Variants in EXOC4 observed in about 807,000 individuals in gnomAD.
EXOC4 encodes the protein exocyst complex component 4, also known as SEC8-like 1.
In EXOC4, 71 loss-of-function variants were observed where a neutral mutation model predicts 107.2. The observed-to-expected ratio is 0.66, with a 90% confidence interval of 0.55 to 0.81. EXOC4 has a LOEUF of 0.81. EXOC4 is among the 30% of genes least tolerant of loss of function. The pLI, the probability that EXOC4 is intolerant of heterozygous loss-of-function variation, is 0.00. For synonymous variants in EXOC4, 456 were observed against 441.2 expected (o/e 1.03, Z -0.42); for missense variants, 1,108 against 1,189.6 (o/e 0.93, Z 1.01).
At chr7:133,840,209 G>C (rs564226016) in intron 11 of EXOC4, among the ~76,000 whole-genome samples, 3 of 152,214 alleles carry the variant, frequency 2.0e-5, no homozygotes, top group Admixed American at 1.3e-4. Flanking sequence ...TGATACAGCA[G>C]TGAGAGTGAA....
At chr7:133,429,502 T>G (rs111980365) in intron 7 of EXOC4, among the ~76,000 whole-genome samples, 1 of 152,190 alleles carries the variant, frequency 6.6e-6, no homozygotes, top group African/African-American at 2.4e-5. Context: ...TTTTAGTATA[T>G]TCACAGGGTT....
intron 12 of EXOC4, among the ~76,000 whole-genome samples, chr7:133,911,870 G>A (rs1799703681): frequency 6.6e-6 from 1 of 152,096 alleles, no homozygotes; most frequent in African/African-American, 2.4e-5. Flanking sequence ...GGTCTAAGAG[G>A]AATTGAACCA....
chr7:133,998,623 C>T (rs1443148311), intron 15 of EXOC4, among the ~76,000 whole-genome samples: 1 of 152,044 alleles, frequency 6.6e-6, no homozygotes, highest in Non-Finnish European at 1.5e-5. Context: ...CAGGCTGGAG[C>T]CCAATCCTGT....
At chr7:133,744,278 A>G (rs1795629267) in intron 10 of EXOC4, among the ~76,000 whole-genome samples, 2 of 152,094 alleles carry the variant, frequency 1.3e-5, no homozygotes, top group Admixed American at 6.6e-5. Flanking sequence ...GAAATATAGC[A>G]AACTCTTAAC....
chr7:133,831,371 T>TGA (rs1280244691), intron 11 of EXOC4, among the ~76,000 whole-genome samples: 3 of 152,222 alleles, frequency 2.0e-5, no homozygotes, highest in African/African-American at 7.2e-5. Flanking sequence ...TGCTTCTACA[T>TGA]GAGAGAGCTG....
intron 14 of EXOC4, among the ~76,000 whole-genome samples, chr7:133,974,384 A>G (rs1793781075): frequency 6.6e-6 from 1 of 152,230 alleles, no homozygotes; most frequent in Non-Finnish European, 1.5e-5. Flanking sequence ...TGTGTATTAC[A>G]GCTTAATTCT....
intron 10 of EXOC4, among the ~76,000 whole-genome samples, chr7:133,708,493 T>C (rs1442430725): frequency 6.6e-6 from 1 of 152,238 alleles, no homozygotes; most frequent in Non-Finnish European, 1.5e-5. Context: ...TCAATAAATA[T>C]TTATTGGACA....
chr7:133,629,149 G>C (rs1802525862), intron 9 of EXOC4, among the ~76,000 whole-genome samples: 1 of 152,102 alleles, frequency 6.6e-6, no homozygotes, highest in African/African-American at 2.4e-5. Flanking sequence ...AGCCAAAGGA[G>C]CTATTCAATA....
intron 5 of EXOC4, among the ~76,000 whole-genome samples, chr7:133,331,669 G>A (rs1236315790): frequency 6.6e-6 from 1 of 151,942 alleles, no homozygotes; most frequent in African/African-American, 2.4e-5. Context: ...GTTTCACCGT[G>A]TTAGCCAGGA....
intron 5 of EXOC4, among the ~76,000 whole-genome samples, chr7:133,338,145 T>C (rs985856482): frequency 1.3e-5 from 2 of 152,046 alleles, no homozygotes; most frequent in Admixed American, 1.3e-4. Flanking sequence ...TTTGTTACTC[T>C]TAAAAAATTT....
At chr7:133,437,783 T>C (rs1466438301) in intron 7 of EXOC4, among the ~76,000 whole-genome samples, 2 of 152,184 alleles carry the variant, frequency 1.3e-5, no homozygotes, top group Non-Finnish European at 2.9e-5. Flanking sequence ...ATCTGCTTTT[T>C]GTCAGTCGCT....
chr7:134,048,753 G>A (rs573153352), intron 17 of EXOC4, among the ~76,000 whole-genome samples: 1 of 152,134 alleles, frequency 6.6e-6, no homozygotes. Flanking sequence ...CTGATGTGTT[G>A]TTCTTTACTG....
At chr7:134,049,377 T>C (rs1170086602) in intron 17 of EXOC4, among the ~76,000 whole-genome samples, 1 of 152,198 alleles carries the variant, frequency 6.6e-6, no homozygotes. Context: ...CCAGCTTGCC[T>C]TGCCCACCTT....
chr7:133,813,870 G>A (rs1797297545), intron 10 of EXOC4, among the ~76,000 whole-genome samples: 1 of 151,882 alleles, frequency 6.6e-6, no homozygotes, highest in Non-Finnish European at 1.5e-5. Context: ...TACACCCCAG[G>A]GGTTAATAGA....
chr7:133,636,112 A>G (rs1315782648), intron 10 of EXOC4, among the ~76,000 whole-genome samples: 2 of 152,332 alleles, frequency 1.3e-5, no homozygotes, highest in East Asian at 3.9e-4. Flanking sequence ...ATGTCTGCCA[A>G]ATCACTGTGA....
chr7:133,913,002 A>T (rs2116613169), intron 12 of EXOC4, among the ~76,000 whole-genome samples: 1 of 152,272 alleles, frequency 6.6e-6, no homozygotes, highest in East Asian at 1.9e-4. Flanking sequence ...TGAGGCACAA[A>T]AAAAGAGGAC....
At chr7:133,773,994 G>C (rs561696605) in intron 10 of EXOC4, among the ~76,000 whole-genome samples, 1 of 152,166 alleles carries the variant, frequency 6.6e-6, no homozygotes, top group Non-Finnish European at 1.5e-5. Context: ...CATAATCAAA[G>C]ATACAGATTT....
At chr7:134,028,136 A>G (rs1184410428) in intron 17 of EXOC4, among the ~76,000 whole-genome samples, 2 of 152,220 alleles carry the variant, frequency 1.3e-5, no homozygotes, top group African/African-American at 4.8e-5. Flanking sequence ...ATACAATCCT[A>G]AGAGTATCAT....
chr7:133,541,828 C>T (rs972229991), intron 9 of EXOC4, among the ~76,000 whole-genome samples: 5 of 151,932 alleles, frequency 3.3e-5, no homozygotes, highest in East Asian at 1.9e-4. Flanking sequence ...TTTAAAAATT[C>T]GGGGTAATAT....
Sources: allele counts gnomAD v4.1 joint callset (sites outside exome capture counted in the v4.1 genomes callset), GRCh38; gene constraint gnomAD v4.1.1; transcripts MANE v1.5; gene names NCBI Gene and HGNC (gene_info 2026-07-23, HGNC 2026-07-21).